SLC34A2: variants seen among roughly 807,000 people sequenced by gnomAD.
SLC34A2 encodes the protein sodium-dependent phosphate transport protein 2B.
In SLC34A2, 41 loss-of-function variants were observed where a neutral mutation model predicts 50.8. That is an observed-to-expected ratio of 0.81 (90% CI 0.63 to 1.05). The LOEUF (loss-of-function observed/expected upper bound fraction) is 1.05. Ranked by LOEUF, SLC34A2 falls within the 50% of genes least tolerant of loss-of-function variation. The pLI, the probability that SLC34A2 is intolerant of heterozygous loss-of-function variation, is 0.00. For missense variants in SLC34A2, 879 were observed against 876.7 expected, an observed-to-expected ratio of 1.00 and a Z score of -0.03; for synonymous variants, 401 against 364.2, an observed-to-expected ratio of 1.10 and a Z score of -1.15.
rs371128812 is a variant in SLC34A2, at chr4:25,674,649, G to A, written c.1458+20G>A. 5.5e-5 allele frequency: 89 copies of A among 1,613,752 alleles called. No homozygotes were observed. Among genetic ancestry groups the A allele is most frequent in the Non-Finnish European group, 7.3e-5 (86 of 1,179,752 alleles). On this transcript the variant is annotated intron_variant, in intron 12 of 12. Transcript: ENST00000382051. Reference sequence around the variant, plus strand: ...CTCCAGGTCAGGACTTGGGGCACGGGGACAGGGGCCCTGGGAGTGGGACCA... The same window carrying A: ...CTCCAGGTCAGGACTTGGGGCACGGAGACAGGGGCCCTGGGAGTGGGACCA...
At chr4:25,658,798 A>G (rs928979737) in intron 1 of SLC34A2, among the ~76,000 whole-genome samples, 3 of 152,248 alleles carry the variant, frequency 2.0e-5, no homozygotes, top group African/African-American at 7.2e-5. Flanking sequence ...GAAGGCTGGG[A>G]GAGAACAAGG....
chr4:25,661,589 C>T (rs548468339), intron 1 of SLC34A2, among the ~76,000 whole-genome samples: 8 of 152,124 alleles, frequency 5.3e-5, no homozygotes, highest in South Asian at 2.1e-4. Context: ...GGTTTTGACA[C>T]GTTGCCCAGG....
rs746649120 is a variant in SLC34A2, at chr4:25,676,398, C to T, written c.1722C>T (p.Leu574=). 5 of 1,614,084 alleles carry T rather than the reference C, an allele frequency of 3.1e-6. No individual in the cohort carries two copies. The highest frequency in any genetic ancestry group is 1.7e-5 in the Admixed American group (1 of 60,030). Residue 574 remains leucine, a synonymous_variant, in exon 13 of 13, where the codon CTC becomes CTT. Transcript: ENST00000382051. ...TCATCCTGGTACTGTGCCTCCGACT[C>T]CTGCAGTCTCGCTGCCCACGCGTCC... ...FIIILVLCLR[L]LQSRCPRVLP...
chr4:25,662,272 T>C (rs1714232076), intron 1 of SLC34A2, among the ~76,000 whole-genome samples: 1 of 152,230 alleles, frequency 6.6e-6, no homozygotes, highest in South Asian at 2.1e-4. Flanking sequence ...GGTAGTTTGC[T>C]TTAGCGACTG....
Position 25,674,510 on chromosome 4 carries a change from G to C in SLC34A2, c.1339G>C (p.Gly447Arg), listed in dbSNP as rs866816525. The C allele has an allele frequency of 1.1e-5, 18 of 1,614,030 alleles. No homozygotes were observed. Among genetic ancestry groups the C allele is most frequent in the Non-Finnish European group, 1.5e-5 (18 of 1,180,054 alleles). The change falls in exon 12 of 13, where the codon GGC becomes CGC. Residue 447 changes from glycine (G) to arginine (R), a missense_variant. Transcript: ENST00000382051. ...TSALTPLIGI[G>R]VITIERAYPL... Reference sequence around the variant, plus strand: ...GTGTTTTGTGTTTCCCCCAGGAATCGGCGTGATAACCATTGAGAGGGCTTA... The same window carrying C: ...GTGTTTTGTGTTTCCCCCAGGAATCCGCGTGATAACCATTGAGAGGGCTTA...
intron 6 of SLC34A2, among the ~76,000 whole-genome samples, chr4:25,668,659 A>G (rs1413118990): frequency 6.7e-6 from 1 of 150,250 alleles, no homozygotes; most frequent in Non-Finnish European, 1.5e-5. Flanking sequence ...AAAAAAAAAT[A>G]AATAAATACT....
intron 3 of SLC34A2, 102 bp from the exon 4 acceptor site, chr4:25,664,100 G>A: frequency 8.9e-7 from 1 of 1,121,128 alleles, no homozygotes; most frequent in Non-Finnish European, 1.4e-6. Flanking sequence ...GGAAGGGAGG[G>A]GAGGTCGGGG....
At chr4:25,669,506 C>A in intron 6 of SLC34A2, 141 bp from the exon 7 acceptor site, 1 of 816,348 alleles carries the variant, frequency 1.2e-6, no homozygotes, top group Non-Finnish European at 2.1e-6. Context: ...TATGAGAGAA[C>A]AAAAATGAGA....
Position 25,676,195 on chromosome 4 carries a change from T to A in SLC34A2, c.1519T>A (p.Phe507Ile). The change falls in exon 13 of 13, where the codon TTC becomes ATC. Residue 507 changes from phenylalanine to isoleucine, a missense_variant. Transcript: ENST00000382051. ...CATCTTGCTGTGGTACCCGATCCCG[T>A]TCACTCGCCTGCCCATCCGCATGGC... ...SGILLWYPIP[F>I]TRLPIRMAKG... 6.2e-7 allele frequency: 1 copy of A among 1,614,220 alleles called. No homozygotes were observed. Among genetic ancestry groups the A allele is most frequent in the Admixed American group, 1.7e-5 (1 of 60,036 alleles).
At chr4:25,657,897 G>A (rs1173297584) in intron 1 of SLC34A2, among the ~76,000 whole-genome samples, 1 of 152,196 alleles carries the variant, frequency 6.6e-6, no homozygotes, top group African/African-American at 2.4e-5. Context: ...TTAGCCTATA[G>A]GGGTGATTAT....
chr4:25,670,654 C>T (rs563186771), intron 7 of SLC34A2, 84 bp from the exon 8 acceptor site: 11 of 987,024 alleles, frequency 1.1e-5, no homozygotes, highest in African/African-American at 9.6e-5. Context: ...CTCCTTAGAG[C>T]CCCTCTCACT....
intron 9 of SLC34A2, 74 bp downstream of exon 9, chr4:25,671,795 C>T: frequency 6.2e-7 from 1 of 1,606,140 alleles, no homozygotes; most frequent in Non-Finnish European, 8.5e-7. Flanking sequence ...GTGTGAAGTC[C>T]CAGTAAGTGA....
chr4:25,671,743 G>C, intron 9 of SLC34A2, 22 bp downstream of exon 9: 1 of 1,614,108 alleles, frequency 6.2e-7, no homozygotes. Flanking sequence ...TCAGTGGATT[G>C]GCCACTATGA....
chr4:25,675,222 G>A (rs905334521), intron 12 of SLC34A2, among the ~76,000 whole-genome samples: 2 of 152,078 alleles, frequency 1.3e-5, no homozygotes, highest in African/African-American at 2.4e-5. Context: ...TAGTAGAGAC[G>A]GGGTTTCCCT....
chr4:25,664,365 G>A (rs749316441), intron 4 of SLC34A2, 35 bp downstream of exon 4: 4 of 1,612,958 alleles, frequency 2.5e-6, no homozygotes, highest in Non-Finnish European at 2.5e-6. Context: ...TGCGGGTGAG[G>A]GGCATTATCT....
chr4:25,659,492 C>A (rs762775379), intron 1 of SLC34A2, among the ~76,000 whole-genome samples: 8 of 151,990 alleles, frequency 5.3e-5, no homozygotes, highest in Admixed American at 1.3e-4. Context: ...TGCATTTCCA[C>A]GTAATAAACA....
Position 25,674,649 on chromosome 4 carries a change from G to T in SLC34A2, c.1458+20G>T, listed in dbSNP as rs371128812. 3 of 1,613,870 alleles carry T rather than the reference G, an allele frequency of 1.9e-6. No homozygotes were observed. The highest frequency in any genetic ancestry group is 2.5e-6 in the Non-Finnish European group (3 of 1,179,744). On this transcript the variant is annotated intron_variant, in intron 12 of 12. Coordinates refer to ENST00000382051, the MANE Select transcript of SLC34A2 (RefSeq NM_006424.3). ...CTCCAGGTCAGGACTTGGGGCACGG[G>T]GACAGGGGCCCTGGGAGTGGGACCA...
At chr4:25,660,448 A>C (rs1225565664) in intron 1 of SLC34A2, among the ~76,000 whole-genome samples, 1 of 152,270 alleles carries the variant, frequency 6.6e-6, no homozygotes, top group Admixed American at 6.5e-5. Flanking sequence ...AGCTTCTAGC[A>C]GTGTTCAACT....
rs112592809 is a variant in SLC34A2, at chr4:25,671,481, TGG to T, written c.928-117_928-116del. 3,372 of 1,168,076 alleles carry T rather than the reference TGG, an allele frequency of 2.9e-3. 63 individuals are homozygous for T. In the African/African-American group the frequency reaches 0.036, roughly 12 times the overall value. 72.4% of individuals were successfully genotyped at this position (1,168,076 alleles called of 1,614,324 possible). ...CTTCAAGAGAAAAGAACTGTTCTGT[TGG>T]GGCCATACTGCATGCACCATGGGTG... On this transcript the variant is annotated intron_variant, in intron 8 of 12. Coordinates refer to ENST00000382051, the MANE Select transcript of SLC34A2 (RefSeq NM_006424.3).
Sources: gnomAD v4.1 joint callset for allele counts (sites outside exome capture counted in the v4.1 genomes callset) on GRCh38, gnomAD v4.1.1 for gene constraint, MANE v1.5 for transcripts, NCBI Gene and HGNC (gene_info 2026-07-23, HGNC 2026-07-21) for gene names.